SMIM41: variants seen among roughly 807,000 people sequenced by gnomAD.
The protein encoded by SMIM41 is small integral membrane protein 41.
intron 2 of SMIM41, among the ~76,000 whole-genome samples, chr12:52,100,371 G>T (rs1339627018): frequency 1.3e-5 from 2 of 152,064 alleles, no homozygotes; most frequent in South Asian, 2.1e-4. Flanking sequence ...AATATTGGGA[G>T]TAATATCATA....
chr12:52,093,746 C>G (rs1310676653), intron 2 of SMIM41: 1 of 152,226 alleles, frequency 6.6e-6, no homozygotes, highest in Non-Finnish European at 1.5e-5. Flanking sequence ...TGAAGACTGT[C>G]AGGTCGGCTC....
chr12:52,086,960 G>A (rs780049634), intron 2 of SMIM41, among the ~76,000 whole-genome samples: 4 of 152,146 alleles, frequency 2.6e-5, no homozygotes, highest in Non-Finnish European at 5.9e-5. Flanking sequence ...AGGCTGCTGG[G>A]TGCCCCCAAA....
At chr12:52,080,230 C>T (rs1939797752) in intron 1 of SMIM41, 49 bp downstream of exon 1, 1 of 261,934 alleles carries the variant, frequency 3.8e-6, no homozygotes, top group East Asian at 6.8e-5. Context: ...CGGGGGGCTA[C>T]AGTAGCTTCC....
chr12:52,097,991 C>G (rs1490575507), intron 2 of SMIM41, among the ~76,000 whole-genome samples: 1 of 134,820 alleles, frequency 7.4e-6, no homozygotes, highest in Non-Finnish European at 1.5e-5. Flanking sequence ...ACAGGGGTAA[C>G]GTACACCCAC....
chr12:52,105,463 C>G (rs1940316591), intron 2 of SMIM41, among the ~76,000 whole-genome samples: 1 of 152,164 alleles, frequency 6.6e-6, no homozygotes, highest in African/African-American at 2.4e-5. Context: ...CTGCTTTAAA[C>G]TTTTTGAAGC....
At chr12:52,091,079 A>G (rs1334481878) in intron 2 of SMIM41, among the ~76,000 whole-genome samples, 1 of 152,188 alleles carries the variant, frequency 6.6e-6, no homozygotes, top group African/African-American at 2.4e-5. Flanking sequence ...TGGCACAATC[A>G]TGGCTCATTC....
At chr12:52,084,067 G>C (rs530267266) in intron 2 of SMIM41, 99 bp downstream of exon 2, 1 of 152,188 alleles carries the variant, frequency 6.6e-6, no homozygotes, top group African/African-American at 2.4e-5. Flanking sequence ...ACTCTGGGAC[G>C]TGGGGATGAG....
intron 2 of SMIM41, among the ~76,000 whole-genome samples, chr12:52,101,428 C>T (rs1057350777): frequency 7.2e-5 from 11 of 152,022 alleles, no homozygotes; most frequent in Non-Finnish European, 1.5e-4. Context: ...CCATCACACA[C>T]CTACACACAA....
intron 2 of SMIM41, among the ~76,000 whole-genome samples, chr12:52,098,742 G>A (rs999323050): frequency 1.3e-5 from 2 of 151,424 alleles, no homozygotes; most frequent in South Asian, 2.1e-4. Context: ...CACGGGGGGG[G>A]GGGTGTACTG....
chr12:52,080,377 G>C (rs1049689225), intron 1 of SMIM41, among the ~76,000 whole-genome samples, 196 bp downstream of exon 1: 3 of 152,172 alleles, frequency 2.0e-5, no homozygotes, highest in African/African-American at 7.2e-5. Context: ...GGGATCAGGA[G>C]GAGGCCGCCC....
chr12:52,093,208 C>A (rs542674668), intron 2 of SMIM41, among the ~76,000 whole-genome samples: 1 of 151,800 alleles, frequency 6.6e-6, no homozygotes, highest in South Asian at 2.1e-4. Flanking sequence ...ACAACAACAA[C>A]AACAAACAAA....
intron 2 of SMIM41, among the ~76,000 whole-genome samples, chr12:52,087,883 G>T (rs1939916040): frequency 6.6e-6 from 1 of 152,094 alleles, no homozygotes; most frequent in African/African-American, 2.4e-5. Flanking sequence ...TTGTACCAGG[G>T]TTTCCTCTTT....
Position 52,082,618 on chromosome 12 carries a change from G to A in SMIM41, c.*121-1276G>A, listed in dbSNP as rs147061604. On this transcript the variant is annotated intron_variant, in intron 1 of 2. Transcript: ENST00000546390. ...AGTGAGATGTGGGGGATGGGTGCAG[G>A]TCTGAGTGCCAGGGAGAGAAGCCAG... is the stretch of plus-strand genomic sequence containing the variant. Among the ~76,000 whole-genome samples, 145 of 152,154 alleles carry A rather than the reference G, an allele frequency of 9.5e-4. No homozygotes were observed. The Middle Eastern group carries it at 0.017, about 18-fold the overall frequency.
chr12:52,090,856 C>T (rs962218235), intron 2 of SMIM41, among the ~76,000 whole-genome samples: 4 of 152,184 alleles, frequency 2.6e-5, no homozygotes, highest in African/African-American at 9.7e-5. Flanking sequence ...TTCTTGAATA[C>T]AGATCCCACG....
Position 52,101,983 on chromosome 12 carries a change from G to C in SMIM41, c.*196-5396G>C, listed in dbSNP as rs145291688. Among the ~76,000 whole-genome samples the C allele has an allele frequency of 1.3e-4, 20 of 152,316 alleles. 1 individual carries two copies. In the East Asian group the frequency reaches 3.9e-3, roughly 29 times the overall value. On this transcript the variant is annotated intron_variant, in intron 2 of 2. Coordinates refer to ENST00000546390, the MANE Select transcript of SMIM41 (RefSeq NM_001369216.1). ...CCACCTCGGCCTCCCAAAGTGCTGGGATTACAGGCGTGAGCAACTGCGCTC... is the reference window on the plus strand; with the variant it reads ...CCACCTCGGCCTCCCAAAGTGCTGGCATTACAGGCGTGAGCAACTGCGCTC...
Position 52,079,796 on chromosome 12 carries a change from CGGGCGCCGCGGCTCA to C in SMIM41, c.20_34del (p.Gly7_Gln11del), listed in dbSNP as rs1038689523. On this transcript the variant is annotated inframe_deletion, in exon 1 of 3. Transcript: ENST00000546390. The stretch of plus-strand genomic sequence containing the variant: ...CGCTGGAGCATGAACGGCTCTCAGG[CGGGCGCCGCGGCTCA>C]GGCCGCCTGGCTGAGCTCCTGCTGT... 2.8e-5 allele frequency: 11 copies of C among 393,540 alleles called. No individual in the cohort carries two copies. The highest frequency in any genetic ancestry group is 4.9e-5 in the Non-Finnish European group (11 of 222,566). The allele number at this position is 393,540 out of a possible 1,614,324, so 24.4% of individuals were successfully genotyped here.
chr12:52,104,734 C>T (rs559295446), intron 2 of SMIM41, among the ~76,000 whole-genome samples: 22 of 152,164 alleles, frequency 1.4e-4, no homozygotes, highest in African/African-American at 5.1e-4. Flanking sequence ...ACTGGTTGTC[C>T]TTTTCATAGA....
At chr12:52,098,940 T>A (rs1046100740) in intron 2 of SMIM41, among the ~76,000 whole-genome samples, 1 of 151,738 alleles carries the variant, frequency 6.6e-6, no homozygotes, top group Non-Finnish European at 1.5e-5. Context: ...TCATCCTCTT[T>A]CGCTCTGGAT....
intron 2 of SMIM41, among the ~76,000 whole-genome samples, chr12:52,098,049 G>A (rs11170000): frequency 0.092 from 13,772 of 149,606 alleles, 711 homozygotes; most frequent in East Asian, 0.14. Flanking sequence ...GATATTAGGA[G>A]CAATATCACA....
Sources: gnomAD v4.1 joint callset for allele counts (sites outside exome capture counted in the v4.1 genomes callset) on GRCh38, gnomAD v4.1.1 for gene constraint, MANE v1.5 for transcripts, NCBI Gene and HGNC (gene_info 2026-07-23, HGNC 2026-07-21) for gene names.